SPAG16: variants seen among roughly 807,000 people sequenced by gnomAD.
SPAG16 encodes the protein sperm associated antigen 16, also known as sperm-associated antigen 16 protein.
SPAG16 carries 86 observed loss-of-function variants against 80.4 expected under a neutral mutation model. The observed-to-expected ratio is 1.07, with a 90% CI of 0.90 to 1.28. The LOEUF is 1.28. Among genes scored for constraint, SPAG16 ranks in the 50% most tolerant of loss-of-function variants. The pLI, the probability that SPAG16 is intolerant of heterozygous loss-of-function variation, is 0.00. For synonymous variants in SPAG16, 294 were observed against 265.9 expected, an observed-to-expected ratio of 1.11 and a Z score of -1.03; for missense variants, 870 against 765.3, an observed-to-expected ratio of 1.14 and a Z score of -1.61.
chr2:213,820,632 ATC>A (rs2072882336), intron 10 of SPAG16, among the ~76,000 whole-genome samples: 1 of 152,106 alleles, frequency 6.6e-6, no homozygotes, highest in Non-Finnish European at 1.5e-5. Context: ...TGTCTACTTA[ATC>A]TGTTAGTGAC....
chr2:214,359,104 A>C (rs1576877948), intron 15 of SPAG16, among the ~76,000 whole-genome samples: 1 of 152,008 alleles, frequency 6.6e-6, no homozygotes, highest in South Asian at 2.1e-4. Flanking sequence ...GAGAATAATA[A>C]CAGCAACAAT....
chr2:213,613,653 C>T (rs1165744241), intron 10 of SPAG16, among the ~76,000 whole-genome samples: 1 of 152,148 alleles, frequency 6.6e-6, no homozygotes, highest in Non-Finnish European at 1.5e-5. Flanking sequence ...GCTTTTTTCT[C>T]CTTAGCACAT....
At chr2:213,357,807 C>T (rs950426540) in intron 7 of SPAG16, among the ~76,000 whole-genome samples, 13 of 152,054 alleles carry the variant, frequency 8.5e-5, no homozygotes, top group African/African-American at 1.9e-4. Context: ...TTATGATGTT[C>T]GCTGGTTATT....
At chr2:213,828,134 T>C (rs1046686853) in intron 10 of SPAG16, among the ~76,000 whole-genome samples, 2 of 152,136 alleles carry the variant, frequency 1.3e-5, no homozygotes, top group Non-Finnish European at 1.5e-5. Context: ...TACTACCTCT[T>C]TTTTAAAGCC....
intron 6 of SPAG16, among the ~76,000 whole-genome samples, chr2:213,349,011 A>G (rs1315619804): frequency 6.6e-6 from 1 of 152,224 alleles, no homozygotes; most frequent in Non-Finnish European, 1.5e-5. Context: ...TGTCATACAT[A>G]GAATATTTTC....
chr2:214,177,242 G>T (rs144645789), intron 15 of SPAG16, among the ~76,000 whole-genome samples: 1 of 151,172 alleles, frequency 6.6e-6, no homozygotes, highest in East Asian at 1.9e-4. Context: ...TAAGCTCAAA[G>T]TCCCTGAATT....
intron 10 of SPAG16, among the ~76,000 whole-genome samples, chr2:213,812,818 T>C (rs2072258174): frequency 6.6e-6 from 1 of 152,184 alleles, no homozygotes; most frequent in Non-Finnish European, 1.5e-5. Flanking sequence ...TACTTAAAAC[T>C]AAACATGTTT....
intron 10 of SPAG16, among the ~76,000 whole-genome samples, chr2:213,637,199 C>A (rs986009567): frequency 7.9e-5 from 12 of 152,156 alleles, no homozygotes; most frequent in Admixed American, 2.0e-4. Flanking sequence ...TTTTCTGTAT[C>A]TATTGAGATA....
chr2:214,372,084 A>G (rs1469936527), intron 15 of SPAG16, among the ~76,000 whole-genome samples: 1 of 152,026 alleles, frequency 6.6e-6, no homozygotes, highest in Non-Finnish European at 1.5e-5. Flanking sequence ...GTTCTCTCCT[A>G]TTGGGTCTCT....
At chr2:214,360,060 A>G (rs1337997416) in intron 15 of SPAG16, among the ~76,000 whole-genome samples, 2 of 151,806 alleles carry the variant, frequency 1.3e-5, no homozygotes, top group Non-Finnish European at 2.9e-5. Context: ...TTGGTCAGCA[A>G]TTTTCCCTAC....
chr2:213,560,924 C>T (rs1435386032), intron 10 of SPAG16, among the ~76,000 whole-genome samples: 1 of 152,166 alleles, frequency 6.6e-6, no homozygotes, highest in Non-Finnish European at 1.5e-5. Flanking sequence ...AGTGCAGTGG[C>T]ACGATCTCGG....
chr2:214,158,370 A>G (rs1360845954), intron 15 of SPAG16, among the ~76,000 whole-genome samples: 1 of 152,074 alleles, frequency 6.6e-6, no homozygotes, highest in Non-Finnish European at 1.5e-5. Flanking sequence ...ATATAAAAAT[A>G]TTATTTAAAA....
intron 15 of SPAG16, among the ~76,000 whole-genome samples, chr2:214,315,231 A>G (rs938446489): frequency 6.6e-6 from 1 of 152,070 alleles, no homozygotes; most frequent in Admixed American, 6.6e-5. Flanking sequence ...CATACCACCT[A>G]TTTCCTCCAT....
At chr2:213,725,548 G>A (rs1372823584) in intron 10 of SPAG16, among the ~76,000 whole-genome samples, 2 of 152,094 alleles carry the variant, frequency 1.3e-5, no homozygotes, top group Non-Finnish European at 2.9e-5. Flanking sequence ...CCCAAGATGG[G>A]GCTGATTGAG....
At position 213,310,275 on chromosome 2, in the gene SPAG16, GA is replaced by G. The variant is rs1292824738; in HGVS notation, c.398+103del. 2.1e-5 allele frequency: 14 copies of G among 665,402 alleles called. No individual in the cohort carries two copies. The East Asian group carries it at 5.0e-4, about 24-fold the overall frequency. The allele number at this position is 665,402 out of a possible 1,614,324, so 41.2% of individuals were successfully genotyped here. A position where few individuals can be genotyped will look rare whatever the true frequency, so the allele number is the denominator to read the frequency against. ...GAGACTTTGAAATGACTCAGCCTATGAAAAATGACTAGAAACTTTTCCCATC... is the reference window on the plus strand; with the variant it reads ...GAGACTTTGAAATGACTCAGCCTATGAAAATGACTAGAAACTTTTCCCATC... On this transcript the variant is annotated intron_variant, in intron 4 of 15. Transcript: ENST00000331683.
chr2:214,269,028 C>G (rs1463762249), intron 15 of SPAG16, among the ~76,000 whole-genome samples: 1 of 151,980 alleles, frequency 6.6e-6, no homozygotes, highest in Non-Finnish European at 1.5e-5. Context: ...ACACAATAAT[C>G]AGCTATTTGT....
At chr2:214,060,678 T>C (rs2125177101) in intron 13 of SPAG16, among the ~76,000 whole-genome samples, 1 of 152,264 alleles carries the variant, frequency 6.6e-6, no homozygotes, top group South Asian at 2.1e-4. Context: ...AGAGGGTAGA[T>C]ATCTTAAAAA....
At position 213,333,358 on chromosome 2, in the gene SPAG16, C is replaced by T. The variant is rs563639395; in HGVS notation, c.537-6805C>T. On this transcript the variant is annotated intron_variant, in intron 5 of 15. Coordinates refer to ENST00000331683, the MANE Select transcript of SPAG16 (RefSeq NM_024532.5). ...CTGATGAAAGAAATTGAAGAGGACA[C>T]AGCAACATGGAAAGACATTACATGT... Among the ~76,000 whole-genome samples, 5 of 152,186 alleles carry T rather than the reference C, an allele frequency of 3.3e-5. No homozygotes were observed. In the South Asian group the frequency reaches 6.2e-4, roughly 19 times the overall value.
intron 11 of SPAG16, among the ~76,000 whole-genome samples, chr2:213,887,785 TC>T (rs1417196636): frequency 2.6e-5 from 4 of 151,760 alleles, no homozygotes; most frequent in Admixed American, 6.6e-5. Flanking sequence ...AATTCTAAGA[TC>T]CATTTTAGGA....
Sources: allele counts gnomAD v4.1 joint callset (sites outside exome capture counted in the v4.1 genomes callset), GRCh38; gene constraint gnomAD v4.1.1; transcripts MANE v1.5; gene names NCBI Gene and HGNC (gene_info 2026-07-23, HGNC 2026-07-21).